SH3GL2: variants seen among roughly 807,000 people sequenced by gnomAD.
SH3GL2 encodes endophilin-A1.
SH3GL2 carries 24 observed loss-of-function variants against 46.0 expected under a neutral mutation model. The ratio of observed to expected loss-of-function variants is 0.52; its 90% CI spans 0.38 to 0.73. The LOEUF is 0.73. Among genes scored for constraint, SH3GL2 ranks in the 30% least tolerant of loss-of-function variants. SH3GL2 has a pLI of 0.00. For synonymous variants in SH3GL2, 196 were observed against 147.1 expected, an observed-to-expected ratio of 1.33 and a Z score of -2.40; for missense variants, 413 against 424.2, an observed-to-expected ratio of 0.97 and a Z score of 0.23.
intron 1 of SH3GL2, among the ~76,000 whole-genome samples, chr9:17,642,964 T>C (rs1563794616): frequency 6.6e-6 from 1 of 152,226 alleles, no homozygotes; most frequent in Non-Finnish European, 1.5e-5. Flanking sequence ...ATTGAATCTA[T>C]AAATTACTTT....
At chr9:17,689,371 A>C (rs56340456) in intron 1 of SH3GL2, among the ~76,000 whole-genome samples, 3,747 of 152,198 alleles carry the variant, frequency 0.025, 66 homozygotes, top group South Asian at 0.031. Context: ...CTAGGTAATA[A>C]AGAAGCAAAT....
At chr9:17,585,790 G>C (rs1818364925) in intron 1 of SH3GL2, among the ~76,000 whole-genome samples, 1 of 152,194 alleles carries the variant, frequency 6.6e-6, no homozygotes, top group Non-Finnish European at 1.5e-5. Flanking sequence ...TATCAAACTT[G>C]TGCACCTGGT....
intron 1 of SH3GL2, among the ~76,000 whole-genome samples, chr9:17,645,942 T>TCCAA (rs1468242255): frequency 9.2e-5 from 14 of 152,146 alleles, no homozygotes; most frequent in African/African-American, 3.4e-4. Flanking sequence ...GGGGAAGTTC[T>TCCAA]CCTGGGTAAT....
chr9:17,708,635 A>G (rs1821537926), intron 1 of SH3GL2, among the ~76,000 whole-genome samples: 2 of 152,008 alleles, frequency 1.3e-5, no homozygotes, highest in Admixed American at 1.3e-4. Flanking sequence ...AGTGGCTTTA[A>G]GTAAAGACCA....
chr9:17,616,478 G>A (rs775761737), intron 1 of SH3GL2, among the ~76,000 whole-genome samples: 1 of 152,114 alleles, frequency 6.6e-6, no homozygotes. Context: ...AAGGAAGGTG[G>A]TGTACTTTTT....
chr9:17,696,845 G>T (rs764203915), intron 1 of SH3GL2, among the ~76,000 whole-genome samples: 11 of 152,096 alleles, frequency 7.2e-5, no homozygotes, highest in Non-Finnish European at 1.6e-4. Context: ...TTTTGTGGAT[G>T]CTAAAACCAA....
chr9:17,634,551 C>G (rs899330309), intron 1 of SH3GL2, among the ~76,000 whole-genome samples: 1 of 152,186 alleles, frequency 6.6e-6, no homozygotes, highest in Non-Finnish European at 1.5e-5. Context: ...AGAGACTTAG[C>G]TTCTTGTTCT....
chr9:17,795,894 T>A lies in SH3GL2; in HGVS notation c.*151T>A, dbSNP rs1172209094. ...AAGTGACTTTGGTTGACTTGTGGGC[T>A]CCCACAGGAGTCATGGTGATGGATG... On this transcript the variant is annotated 3_prime_UTR_variant, in exon 9 of 9. Coordinates refer to ENST00000380607, the MANE Select transcript of SH3GL2 (RefSeq NM_003026.5). The A allele has an allele frequency of 7.9e-6, 5 of 636,942 alleles. No homozygotes were observed. The East Asian group carries it at 1.4e-4, about 17-fold the overall frequency. The allele number at this position is 636,942 out of a possible 1,614,324, so 39.5% of individuals were successfully genotyped here. A position where few individuals can be genotyped will look rare whatever the true frequency, so the allele number is the denominator to read the frequency against.
At chr9:17,697,701 C>T (rs55738147) in intron 1 of SH3GL2, among the ~76,000 whole-genome samples, 4,369 of 152,224 alleles carry the variant, frequency 0.029, 80 homozygotes, top group African/African-American at 0.045. Flanking sequence ...ATATCATTGC[C>T]CCCCGAATAG....
chr9:17,747,651 C>T (rs1822731133), intron 2 of SH3GL2, among the ~76,000 whole-genome samples: 1 of 151,960 alleles, frequency 6.6e-6, no homozygotes, highest in Non-Finnish European at 1.5e-5. Flanking sequence ...TGATCAGAGC[C>T]TCTTTTTAAA....
Position 17,786,731 on chromosome 9 carries a change from C to G in SH3GL2, c.331+207C>G, listed in dbSNP as rs563653596. 3.9e-5 allele frequency among the ~76,000 whole-genome samples: 6 copies of G among 152,262 alleles called. 1 individual carries two copies. Among genetic ancestry groups the G allele is most frequent in the African/African-American group, 1.4e-4 (6 of 41,556 alleles). On this transcript the variant is annotated intron_variant, in intron 4 of 8. Transcript: ENST00000380607. ...CTTACAAGTTTTCTTCCCACCCCCCCCACTATAAGACCTCAGTCTTTACAA... is the reference window on the plus strand; with the variant it reads ...CTTACAAGTTTTCTTCCCACCCCCCGCACTATAAGACCTCAGTCTTTACAA...
intron 3 of SH3GL2, among the ~76,000 whole-genome samples, chr9:17,775,164 T>C (rs1047547567): frequency 6.6e-6 from 1 of 152,164 alleles, no homozygotes; most frequent in African/African-American, 2.4e-5. Context: ...ATTTGTGTCT[T>C]TTCTCTCTGT....
At chr9:17,692,024 A>G (rs1190411743) in intron 1 of SH3GL2, among the ~76,000 whole-genome samples, 1 of 152,140 alleles carries the variant, frequency 6.6e-6, no homozygotes, top group African/African-American at 2.4e-5. Flanking sequence ...GTATTCTTTC[A>G]TATGTGTGGC....
chr9:17,626,711 C>A (rs1228055180), intron 1 of SH3GL2, among the ~76,000 whole-genome samples: 1 of 152,160 alleles, frequency 6.6e-6, no homozygotes, highest in East Asian at 1.9e-4. Flanking sequence ...GGAGGAATGG[C>A]TCCCATAGCT....
At chr9:17,704,144 A>G (rs769609959) in intron 1 of SH3GL2, among the ~76,000 whole-genome samples, 31 of 150,922 alleles carry the variant, frequency 2.1e-4, no homozygotes, top group Middle Eastern at 3.4e-3. Context: ...CTGTACACCA[A>G]CATCATCCAA....
At chr9:17,701,490 A>C (rs887106150) in intron 1 of SH3GL2, among the ~76,000 whole-genome samples, 1 of 152,086 alleles carries the variant, frequency 6.6e-6, no homozygotes, top group African/African-American at 2.4e-5. Context: ...AGTCACAAGC[A>C]TGAGTATAGA....
At chr9:17,608,921 G>A (rs973958618) in intron 1 of SH3GL2, among the ~76,000 whole-genome samples, 6 of 152,218 alleles carry the variant, frequency 3.9e-5, no homozygotes, top group Non-Finnish European at 7.3e-5. Flanking sequence ...ATTAAAAAAT[G>A]TTTGAGTAAA....
intron 1 of SH3GL2, among the ~76,000 whole-genome samples, chr9:17,592,958 A>C (rs1201431733): frequency 2.0e-5 from 3 of 152,152 alleles, no homozygotes; most frequent in Admixed American, 6.5e-5. Context: ...TTAATCAGTC[A>C]TGCCTATGTA....
intron 1 of SH3GL2, among the ~76,000 whole-genome samples, chr9:17,665,380 G>C (rs982851332): frequency 9.2e-5 from 14 of 152,156 alleles, no homozygotes; most frequent in African/African-American, 3.1e-4. Flanking sequence ...TTTTAATCTT[G>C]AATCATTCTT....
Sources: allele counts gnomAD v4.1 joint callset (sites outside exome capture counted in the v4.1 genomes callset), GRCh38; gene constraint gnomAD v4.1.1; transcripts MANE v1.5; gene names NCBI Gene and HGNC (gene_info 2026-07-23, HGNC 2026-07-21).